Variants in YTHDC2 observed in about 807,000 individuals in gnomAD.
YTHDC2 encodes the protein 3'-5' RNA helicase YTHDC2.
Under a neutral mutation model 174.9 loss-of-function variants are expected in YTHDC2, and 45 were observed. The ratio of observed to expected loss-of-function variants is 0.26; its 90% CI spans 0.20 to 0.33. The LOEUF (loss-of-function observed/expected upper bound fraction) is 0.33. Among genes scored for constraint, YTHDC2 ranks in the 10% least tolerant of loss-of-function variants. The probability of loss-of-function intolerance (pLI) is 1.00; values close to 1 mark genes in which losing one functional copy is unlikely to be tolerated. For missense variants in YTHDC2, 1,650 were observed against 1,723.7 expected (o/e 0.96, Z 0.76); for synonymous variants, 657 against 574.5 (o/e 1.14, Z -2.05).
intron 4 of YTHDC2, among the ~76,000 whole-genome samples, chr5:113,532,289 A>T (rs1014953586): frequency 3.3e-5 from 5 of 152,182 alleles, no homozygotes; most frequent in Non-Finnish European, 5.9e-5. Context: ...TTTTCTTGAA[A>T]GATTTCATAA....
intron 23 of YTHDC2, among the ~76,000 whole-genome samples, chr5:113,576,505 T>C (rs1209063692): frequency 2.0e-5 from 3 of 152,208 alleles, no homozygotes; most frequent in Non-Finnish European, 2.9e-5. Context: ...TAAAAATGTA[T>C]AGATATTATT....
At chr5:113,547,122 G>A (rs750386485) in intron 10 of YTHDC2, among the ~76,000 whole-genome samples, 32 of 152,170 alleles carry the variant, frequency 2.1e-4, no homozygotes, top group Non-Finnish European at 4.3e-4. Flanking sequence ...TCCACCTCTT[G>A]AAGGGAGGAG....
intron 10 of YTHDC2, among the ~76,000 whole-genome samples, chr5:113,544,121 C>T (rs1225227745): frequency 6.6e-6 from 1 of 152,054 alleles, no homozygotes; most frequent in African/African-American, 2.4e-5. Flanking sequence ...TTATTAAGTG[C>T]TGAAAAATCT....
rs191369250 is a variant in YTHDC2, at chr5:113,522,905, A to G, written c.279-2076A>G. 2.8e-3 allele frequency among the ~76,000 whole-genome samples: 420 copies of G among 152,274 alleles called. 2 individuals are homozygous for G. In the South Asian group the frequency reaches 0.029, roughly 10 times the overall value. The stretch of plus-strand genomic sequence containing the variant: ...GTTGATATTATCTTTCCATTCTACC[A>G]TATGTGCTCAAACTGAATTCAGTAA... On this transcript the variant is annotated intron_variant, in intron 2 of 29. Transcript: ENST00000161863.
chr5:113,532,062 TAACA>T (rs1365689444), intron 4 of YTHDC2, among the ~76,000 whole-genome samples: 15 of 152,326 alleles, frequency 9.8e-5, no homozygotes, highest in African/African-American at 3.4e-4. Flanking sequence ...ACAACATCAA[TAACA>T]AACCTAGAAA....
chr5:113,522,800 G>A (rs1462846019), intron 2 of YTHDC2, among the ~76,000 whole-genome samples: 1 of 152,100 alleles, frequency 6.6e-6, no homozygotes, highest in Non-Finnish European at 1.5e-5. Context: ...ATATATCAGT[G>A]TCACTGTGGT....
At chr5:113,565,871 T>C (rs544529029) in intron 20 of YTHDC2, 22 bp from the exon 21 acceptor site, 5 of 1,606,944 alleles carry the variant, frequency 3.1e-6, no homozygotes, top group South Asian at 1.1e-5. Flanking sequence ...TGTCTTGTTA[T>C]GCAATTATTC....
chr5:113,533,129 G>C (rs553837699), intron 5 of YTHDC2, 84 bp downstream of exon 5: 2 of 1,466,826 alleles, frequency 1.4e-6, no homozygotes, highest in South Asian at 1.3e-5. Flanking sequence ...GGATGTGTTC[G>C]TTGAAAAGTT....
rs947094271 is a variant in YTHDC2, at chr5:113,591,187, T to G, written c.3972T>G (p.Phe1324Leu). The G allele has an allele frequency of 2.5e-6, 4 of 1,613,806 alleles. No homozygotes were observed. In the African/African-American group the frequency reaches 4.0e-5, roughly 16 times the overall value. ...ATGAACGGAAGCTAAATCGAGCCTT[T>G]TGGGAAAGCAGCATAGTTTACTTGG... ...PSNERKLNRAFWESSIVYLVF... is the reference protein window; with the variant it reads ...PSNERKLNRALWESSIVYLVF... Residue 1324 changes from phenylalanine (F) to leucine (L), a missense_variant, in exon 27 of 30, where the codon TTT (phenylalanine) becomes TTG (leucine). Around this residue, in one of 5 missense-constraint regions of YTHDC2, gnomAD observed 913 missense variants for 940.4 expected, o/e 0.97. Transcript: ENST00000161863.
chr5:113,580,005 A>C (rs10078214), intron 24 of YTHDC2: 211,412 of 914,412 alleles, frequency 0.23, 25,198 homozygotes, highest in Non-Finnish European at 0.24. Flanking sequence ...TAAGTCTGAG[A>C]TCAAGGTGCT....
rs963323784 is a variant in YTHDC2 at position 113,513,839 on chromosome 5, G to C, written c.-57G>C. 1 of 1,513,090 alleles carries C rather than the reference G, an allele frequency of 6.6e-7. No individual in the cohort carries two copies. The highest frequency in any genetic ancestry group is 2.5e-5 in the East Asian group (1 of 40,404). The allele number at this position is 1,513,090 out of a possible 1,614,324, so 93.7% of individuals were successfully genotyped here. A position where few individuals can be genotyped will look rare whatever the true frequency, so the allele number is the denominator to read the frequency against. ...CCGGATTCCCACGGTCTTTGTCATTGGCTGTCAGCTAGCAGGCCTGGCCGC... is the reference window on the plus strand; with the variant it reads ...CCGGATTCCCACGGTCTTTGTCATTCGCTGTCAGCTAGCAGGCCTGGCCGC... On this transcript the variant is annotated 5_prime_UTR_variant, in exon 1 of 30. Transcript: ENST00000161863.
chr5:113,580,241 A>G (rs1007845851), intron 24 of YTHDC2, among the ~76,000 whole-genome samples: 3 of 152,278 alleles, frequency 2.0e-5, no homozygotes, highest in Middle Eastern at 3.4e-3. Context: ...TTCAACATGA[A>G]GTTTTGGAGG....
rs745498476 is a variant in YTHDC2 at position 113,591,212 on chromosome 5, G to A, written c.3997G>A (p.Val1333Ile). The A allele has an allele frequency of 3.7e-6, 6 of 1,613,710 alleles. No individual in the cohort carries two copies. In the African/African-American group the frequency reaches 6.7e-5, roughly 18 times the overall value. Residue 1333 changes from valine to isoleucine, a missense_variant, in exon 27 of 30, where the codon GTA (valine) becomes ATA (isoleucine). Physicochemically the swap from Val to Ile is conservative, Grantham distance 29. This residue lies in a region of YTHDC2 where 913 missense variants were observed against 940.4 expected (regional missense o/e 0.97). Coordinates refer to ENST00000161863, the MANE Select transcript of YTHDC2 (RefSeq NM_022828.5). ...AFWESSIVYLVFSVQGSGHFQ... is the reference protein window; with the variant it reads ...AFWESSIVYLIFSVQGSGHFQ... ...TTGGGAAAGCAGCATAGTTTACTTGGTATTTTCTGTTCAAGGATCTGGACA... is the reference window on the plus strand; with the variant it reads ...TTGGGAAAGCAGCATAGTTTACTTGATATTTTCTGTTCAAGGATCTGGACA...
intron 9 of YTHDC2, 147 bp downstream of exon 9, chr5:113,541,263 C>A (rs1171478864): frequency 1.9e-5 from 17 of 884,500 alleles, no homozygotes; most frequent in Non-Finnish European, 2.6e-5. Flanking sequence ...GTGATCTCGG[C>A]TCACTGCAAG....
intron 1 of YTHDC2, chr5:113,514,390 A>C: frequency 1.7e-6 from 1 of 598,818 alleles, no homozygotes; most frequent in Non-Finnish European, 3.1e-6. Flanking sequence ...GATATTGGTT[A>C]GCCCTAACCC....
At chr5:113,525,390 A>G (rs896326459) in intron 3 of YTHDC2, among the ~76,000 whole-genome samples, 4 of 152,058 alleles carry the variant, frequency 2.6e-5, no homozygotes, top group Non-Finnish European at 4.4e-5. Context: ...TAGTATTAAT[A>G]ATAATATCAA....
In YTHDC2 at chr5:113,574,346, TC is replaced by T. The variant is rs572635995; in HGVS notation, c.3245-5238del. ...CCAGCTCCTTCCTCTGGAAGTTCTG[TC>T]CTGGGGGTTATTGGCCTGTTGCTGG... On this transcript the variant is annotated intron_variant, in intron 23 of 29. Coordinates refer to ENST00000161863, the MANE Select transcript of YTHDC2 (RefSeq NM_022828.5). Among the ~76,000 whole-genome samples the T allele has an allele frequency of 7.0e-4, 107 of 152,268 alleles. 1 individual carries two copies. Among genetic ancestry groups the T allele is most frequent in the South Asian group, 6.8e-3 (33 of 4,824 alleles).
rs562344536 is a variant in YTHDC2, at chr5:113,560,209, C to A, written c.2217-871C>A. 1.1e-4 allele frequency among the ~76,000 whole-genome samples: 17 copies of A among 152,236 alleles called. No individual in the cohort carries two copies. In the East Asian group the frequency reaches 2.9e-3, roughly 26 times the overall value. On this transcript the variant is annotated intron_variant, in intron 17 of 29. Transcript: ENST00000161863. ...ATTTTATTTTCTAATCTTAAAATACCTATAAAGGACTCCCATTTTTCTTAG... is the reference window on the plus strand; with the variant it reads ...ATTTTATTTTCTAATCTTAAAATACATATAAAGGACTCCCATTTTTCTTAG...
At chr5:113,536,789 ATTTG>A (rs199693284) in intron 7 of YTHDC2, among the ~76,000 whole-genome samples, 3,095 of 152,226 alleles carry the variant, frequency 0.02, 118 homozygotes, top group African/African-American at 0.071. Flanking sequence ...TTTTATATAT[ATTTG>A]TTCTTCATCT....
Sources: allele counts gnomAD v4.1 joint callset (sites outside exome capture counted in the v4.1 genomes callset), GRCh38; gene constraint gnomAD v4.1.1; regional missense constraint gnomAD v4.1.1; transcripts MANE v1.5; gene names NCBI Gene and HGNC (gene_info 2026-07-23, HGNC 2026-07-21).